Variants in LRP2 observed in about 807,000 individuals in gnomAD.
LRP2 encodes LDL receptor related protein 2.
Under a neutral mutation model 531.0 loss-of-function variants are expected in LRP2, and 172 were observed. That is an observed-to-expected ratio of 0.32 (90% CI 0.29 to 0.37). The LOEUF is 0.37. Ranked by LOEUF, LRP2 falls within the 10% of genes least tolerant of loss-of-function variation. LRP2 has a pLI of 1.00. For synonymous variants in LRP2, 1,992 were observed against 2,027.6 expected (o/e 0.98, Z 0.47); for missense variants, 5,167 against 5,868.3 (o/e 0.88, Z 3.90).
At chr2:169,193,500 T>C (rs1687902282) in intron 47 of LRP2, among the ~76,000 whole-genome samples, 1 of 151,184 alleles carries the variant, frequency 6.6e-6, no homozygotes, top group African/African-American at 2.4e-5. Context: ...GGTTTTTTTT[T>C]TCCCCTAGAA....
intron 3 of LRP2, among the ~76,000 whole-genome samples, chr2:169,311,410 C>T (rs528272870): frequency 5.3e-5 from 8 of 152,310 alleles, no homozygotes; most frequent in East Asian, 3.9e-4. Context: ...TCTTTGTTCT[C>T]ATTGGTTTCA....
intron 1 of LRP2, among the ~76,000 whole-genome samples, chr2:169,348,638 T>C (rs940242906): frequency 9.2e-5 from 14 of 152,204 alleles, no homozygotes; most frequent in African/African-American, 3.1e-4. Flanking sequence ...TTGGCTTATC[T>C]TTTTGTAAAA....
Position 169,168,626 on chromosome 2 carries a change from T to G in LRP2, c.11548A>C (p.Lys3850Gln). ...TATGGCGGGATACAAACATGGTTTT[T>G]GCATTCGAACATAGTAGCCTGGCAG... ...AYCQATMFEC[K>Q]NHVCIPPYWK... is the part of the protein sequence containing the mutation. Residue 3850 changes from lysine (K) to glutamine (Q), a missense_variant, in exon 61 of 79, where the codon AAA becomes CAA. By Grantham distance (53) the Lys-to-Gln change is moderately conservative. Around this residue, in one of 6 missense-constraint regions of LRP2, gnomAD observed 564 missense variants for 747.7 expected, o/e 0.75. Coordinates refer to ENST00000649046, the MANE Select transcript of LRP2 (RefSeq NM_004525.3). The G allele has an allele frequency of 6.2e-7, 1 of 1,614,162 alleles. No individual in the cohort carries two copies. The highest frequency in any genetic ancestry group is 8.5e-7 in the Non-Finnish European group (1 of 1,180,012).
rs113481591 is a variant in LRP2, at chr2:169,302,150, T to C, written c.427+5131A>G. On this transcript the variant is annotated intron_variant, in intron 4 of 78. Transcript: ENST00000649046. ...AATAAAGTGTCATGTCTCATGAAGA[T>C]GATTTCTGGCTAAGCCTCATTTAAT... is the stretch of plus-strand genomic sequence containing the variant. Among the ~76,000 whole-genome samples, 8 of 145,768 alleles carry C rather than the reference T, an allele frequency of 5.5e-5. 1 individual carries two copies. Among genetic ancestry groups the C allele is most frequent in the African/African-American group, 2.1e-4 (8 of 38,264 alleles).
At chr2:169,194,180 T>C (rs547628508) in intron 46 of LRP2, among the ~76,000 whole-genome samples, 1 of 152,318 alleles carries the variant, frequency 6.6e-6, no homozygotes, top group African/African-American at 2.4e-5. Flanking sequence ...CCAGGAAAGA[T>C]ATGAATTACC....
intron 56 of LRP2, among the ~76,000 whole-genome samples, chr2:169,173,615 T>G (rs1687080078): frequency 6.6e-6 from 1 of 152,214 alleles, no homozygotes; most frequent in Admixed American, 6.5e-5. Context: ...CTCATAACAT[T>G]TCTCTGTGGC....
rs77879396 is a variant in LRP2, at chr2:169,353,637, G to C, written c.79+8684C>G. On this transcript the variant is annotated intron_variant, in intron 1 of 78. Coordinates refer to ENST00000649046, the MANE Select transcript of LRP2 (RefSeq NM_004525.3). ...GTGAGATTAAAATGTGGGTAGGATT[G>C]CCATATTTCTGATAAAATACTTTCA... Among the ~76,000 whole-genome samples the C allele has an allele frequency of 3.2e-3, 484 of 152,272 alleles. 5 individuals are homozygous for C. The highest frequency in any genetic ancestry group is 0.011 in the African/African-American group (465 of 41,550).
chr2:169,313,010 G>A (rs1034103375), intron 3 of LRP2, among the ~76,000 whole-genome samples: 14 of 152,116 alleles, frequency 9.2e-5, no homozygotes, highest in Admixed American at 9.2e-4. Flanking sequence ...ATTGACGCTT[G>A]TGCATGCATC....
intron 48 of LRP2, among the ~76,000 whole-genome samples, chr2:169,188,960 G>A (rs976687155): frequency 6.6e-6 from 1 of 152,180 alleles, no homozygotes; most frequent in Non-Finnish European, 1.5e-5. Context: ...AGGTTAGCAT[G>A]GCATACTGGC....
chr2:169,197,410 A>T (rs2105319579), intron 45 of LRP2, among the ~76,000 whole-genome samples: 1 of 152,374 alleles, frequency 6.6e-6, no homozygotes, highest in East Asian at 1.9e-4. Context: ...CAAAACAATA[A>T]TGTGATCATA....
At chr2:169,270,433 A>C (rs1683375099) in intron 16 of LRP2, among the ~76,000 whole-genome samples, 1 of 152,174 alleles carries the variant, frequency 6.6e-6, no homozygotes, top group African/African-American at 2.4e-5. Context: ...GCCATAAAAA[A>C]GGATGAGTTC....
At chr2:169,226,227 A>T (rs1311208065) in intron 32 of LRP2, among the ~76,000 whole-genome samples, 195 bp downstream of exon 32, 1 of 152,184 alleles carries the variant, frequency 6.6e-6, no homozygotes, top group African/African-American at 2.4e-5. Flanking sequence ...TTCTGAAGCT[A>T]AAGAGTGTTA....
In LRP2 at chr2:169,247,498, C is replaced by G. The variant is rs1207918719; in HGVS notation, c.2788G>C (p.Asp930His). The G allele has an allele frequency of 6.2e-7, 1 of 1,614,094 alleles. No individual in the cohort carries two copies. The highest frequency in any genetic ancestry group is 2.2e-5 in the East Asian group (1 of 44,878). The change falls in exon 20 of 79, where the codon GAC becomes CAC. Residue 930 changes from aspartate (D) to histidine (H), a missense_variant. By Grantham distance (81) the Asp-to-His change is moderately conservative. Coordinates refer to ENST00000649046, the MANE Select transcript of LRP2 (RefSeq NM_004525.3). ...CGAATAATGGCACCCAGTCTCCAGTCAGTAAAAAATAAATGCTCTGAAAAG... is the reference window on the plus strand; with the variant it reads ...CGAATAATGGCACCCAGTCTCCAGTGAGTAAAAAATAAATGCTCTGAAAAG... ...AIFGEHLFFT[D>H]WRLGAIIRVR...
intron 48 of LRP2, among the ~76,000 whole-genome samples, chr2:169,190,106 C>T (rs945636517): frequency 1.8e-4 from 28 of 152,130 alleles, no homozygotes; most frequent in African/African-American, 5.6e-4. Context: ...AAGACTAATG[C>T]TATTAGCTAT....
intron 15 of LRP2, 121 bp from the exon 16 acceptor site, chr2:169,271,228 T>C: frequency 3.0e-6 from 2 of 672,790 alleles, no homozygotes; most frequent in African/African-American, 3.7e-5. Flanking sequence ...CTGAAATAAA[T>C]GTAAAAATAA....
At chr2:169,188,519 C>T (rs1687716615) in intron 48 of LRP2, among the ~76,000 whole-genome samples, 1 of 152,146 alleles carries the variant, frequency 6.6e-6, no homozygotes, top group African/African-American at 2.4e-5. Context: ...GAAATGCTAC[C>T]ATTAAATGCT....
intron 4 of LRP2, among the ~76,000 whole-genome samples, chr2:169,306,021 C>A (rs1249770671): frequency 6.6e-6 from 1 of 152,040 alleles, no homozygotes; most frequent in Non-Finnish European, 1.5e-5. Flanking sequence ...CACACAACAA[C>A]AAAATTGCCT....
chr2:169,260,496 G>A (rs1174311412), intron 16 of LRP2, among the ~76,000 whole-genome samples: 1 of 152,112 alleles, frequency 6.6e-6, no homozygotes, highest in Non-Finnish European at 1.5e-5. Context: ...TCTAAGGCCT[G>A]TGAGAAGTTG....
chr2:169,335,444 C>T (rs562951034), intron 1 of LRP2, among the ~76,000 whole-genome samples: 1 of 152,330 alleles, frequency 6.6e-6, no homozygotes, highest in Non-Finnish European at 1.5e-5. Flanking sequence ...TCAACTCATG[C>T]CTTGGCATAA....
Sources: gnomAD v4.1 joint callset for allele counts (sites outside exome capture counted in the v4.1 genomes callset) on GRCh38, gnomAD v4.1.1 for gene constraint, gnomAD v4.1.1 regional missense constraint, MANE v1.5 for transcripts, NCBI Gene and HGNC (gene_info 2026-07-23, HGNC 2026-07-21) for gene names.